Variants in MYOCD observed in about 807,000 individuals in gnomAD.
The protein encoded by MYOCD is myocardin.
A neutral mutation model predicts 96.1 loss-of-function variants in MYOCD; 32 were observed. The observed-to-expected ratio is 0.33, with a 90% confidence interval of 0.25 to 0.45. The LOEUF is 0.45. Ranked by LOEUF, MYOCD falls within the 20% of genes least tolerant of loss-of-function variation. The pLI, the probability that MYOCD is intolerant of heterozygous loss-of-function variation, is 1.00. For synonymous variants in MYOCD, 469 were observed against 469.0 expected, an observed-to-expected ratio of 1.00 and a Z score of 0.00; for missense variants, 1,133 against 1,200.6, an observed-to-expected ratio of 0.94 and a Z score of 0.83.
rs1377092831 is a variant in MYOCD at position 12,715,634 on chromosome 17, T to G, written c.177+60T>G. On this transcript the variant is annotated intron_variant, in intron 3 of 13. Transcript: ENST00000425538. ...CTATAGGTTATGAATCTCTGAATGC[T>G]AATCCTTGGTGGATGCGTGTAGAAT... is the stretch of plus-strand genomic sequence containing the variant. The G allele has an allele frequency of 8.2e-6, 11 of 1,335,162 alleles. No individual in the cohort carries two copies. The East Asian group carries it at 2.5e-4, about 31-fold the overall frequency. The allele number at this position is 1,335,162 out of a possible 1,614,324, so 82.7% of individuals were successfully genotyped here.
chr17:12,682,050 G>A (rs142622761), intron 1 of MYOCD, among the ~76,000 whole-genome samples: 191 of 152,294 alleles, frequency 1.3e-3, no homozygotes, highest in African/African-American at 4.2e-3. Flanking sequence ...TTTGGGAAAT[G>A]TGGCCAGGAT....
intron 5 of MYOCD, among the ~76,000 whole-genome samples, chr17:12,728,483 G>T (rs967618049): frequency 6.6e-6 from 1 of 151,978 alleles, no homozygotes; most frequent in East Asian, 1.9e-4. Flanking sequence ...AGGTTTTTTT[G>T]TTGTTGTTTT....
At chr17:12,722,782 A>G (rs1187992828) in intron 4 of MYOCD, 65 bp from the exon 5 acceptor site, 3 of 1,422,202 alleles carry the variant, frequency 2.1e-6, no homozygotes, top group Non-Finnish European at 2.9e-6. Context: ...CAAGCCAAAA[A>G]ACAAAAAAGA....
chr17:12,760,744 G>A, intron 13 of MYOCD, 37 bp downstream of exon 13: 6 of 1,542,932 alleles, frequency 3.9e-6, no homozygotes, highest in Non-Finnish European at 5.4e-6. Context: ...AGGACATTCT[G>A]AGCCCACATG....
At chr17:12,721,566 T>C (rs574355252) in intron 4 of MYOCD, among the ~76,000 whole-genome samples, 2 of 152,038 alleles carry the variant, frequency 1.3e-5, no homozygotes, top group South Asian at 2.1e-4. Context: ...CAGCAAGACA[T>C]AGAGGACAGA....
At chr17:12,690,102 A>C (rs2030365978) in intron 1 of MYOCD, among the ~76,000 whole-genome samples, 1 of 152,204 alleles carries the variant, frequency 6.6e-6, no homozygotes, top group Non-Finnish European at 1.5e-5. Flanking sequence ...AACCAATGGA[A>C]ATTCACAACA....
chr17:12,685,496 C>T (rs2150647251), intron 1 of MYOCD, among the ~76,000 whole-genome samples: 1 of 151,924 alleles, frequency 6.6e-6, no homozygotes, highest in South Asian at 2.1e-4. Flanking sequence ...GTCCCAGCTA[C>T]TCGGGAGGCT....
At chr17:12,739,026 C>A (rs1050381519) in intron 6 of MYOCD, among the ~76,000 whole-genome samples, 177 bp from the exon 7 acceptor site, 2 of 152,112 alleles carry the variant, frequency 1.3e-5, no homozygotes, top group Non-Finnish European at 2.9e-5. Flanking sequence ...TATATACACA[C>A]ACACATATAT....
At chr17:12,696,266 C>T (rs1162458250) in intron 1 of MYOCD, among the ~76,000 whole-genome samples, 1 of 152,110 alleles carries the variant, frequency 6.6e-6, no homozygotes, top group Non-Finnish European at 1.5e-5. Flanking sequence ...GTGTGAGCCA[C>T]TGTGCCCGGC....
chr17:12,747,797 G>A (rs1163420039), intron 9 of MYOCD, among the ~76,000 whole-genome samples: 1 of 151,798 alleles, frequency 6.6e-6, no homozygotes, highest in Non-Finnish European at 1.5e-5. Flanking sequence ...TGAGAGAAAA[G>A]TCTTTGATTT....
chr17:12,739,334 G>T lies in MYOCD; in HGVS notation c.717+6G>T. The T allele has an allele frequency of 6.4e-7, 1 of 1,558,394 alleles. No individual in the cohort carries two copies. Among genetic ancestry groups the T allele is most frequent in the Admixed American group, 2.0e-5 (1 of 49,056 alleles). ...CCGTGCATGCTGCTGTAAAGGTACG[G>T]ACACATCAGCCTCCAAGCCCTGCCT... is the stretch of plus-strand genomic sequence containing the variant. On this transcript the variant is annotated splice_donor_region_variant and intron_variant, in intron 7 of 13. Transcript: ENST00000425538.
intron 5 of MYOCD, among the ~76,000 whole-genome samples, chr17:12,732,618 T>G (rs1056956613): frequency 1.3e-5 from 2 of 152,232 alleles, no homozygotes; most frequent in Admixed American, 6.5e-5. Flanking sequence ...CACCTCAGCT[T>G]GTCTCTGCTC....
intron 2 of MYOCD, among the ~76,000 whole-genome samples, chr17:12,708,272 T>C (rs1053784259): frequency 6.6e-6 from 1 of 152,246 alleles, no homozygotes; most frequent in Non-Finnish European, 1.5e-5. Flanking sequence ...GATAAAATTA[T>C]TCATAAAATC....
chr17:12,714,834 C>G (rs1178049114), intron 2 of MYOCD, among the ~76,000 whole-genome samples: 1 of 152,112 alleles, frequency 6.6e-6, no homozygotes, highest in Non-Finnish European at 1.5e-5. Context: ...CATATCACAT[C>G]TTGAAAGAGG....
chr17:12,675,808 G>A (rs1315838601), intron 1 of MYOCD, among the ~76,000 whole-genome samples: 1 of 152,156 alleles, frequency 6.6e-6, no homozygotes, highest in Non-Finnish European at 1.5e-5. Context: ...GCAGTGAGAC[G>A]AGATCACGCC....
At position 12,767,812 on chromosome 17, in the gene MYOCD, C is replaced by T. The variant is rs377051768; in HGVS notation, c.*4168C>T. On this transcript the variant is annotated 3_prime_UTR_variant, in exon 14 of 14. Transcript: ENST00000425538. Reference sequence around the variant, plus strand: ...GAAGATTTGTGTTGATTGCCAGATACAGAAGCCCCTTGAAAATAAGGAAAG... The same window carrying T: ...GAAGATTTGTGTTGATTGCCAGATATAGAAGCCCCTTGAAAATAAGGAAAG... 6.6e-6 allele frequency: 1 copy of T among 152,248 alleles called. No individual in the cohort carries two copies. The highest frequency in any genetic ancestry group is 2.4e-5 in the African/African-American group (1 of 41,552). 9.4% of individuals were successfully genotyped at this position (152,248 alleles called of 1,614,324 possible).
At chr17:12,705,511 C>G (rs1450158933) in intron 2 of MYOCD, 1 of 210,702 alleles carries the variant, frequency 4.7e-6, no homozygotes, top group South Asian at 1.8e-4. Context: ...ATATTCTTTC[C>G]AGAAGCATCA....
At chr17:12,757,724 C>T (rs567103308) in intron 11 of MYOCD, among the ~76,000 whole-genome samples, 2 of 152,186 alleles carry the variant, frequency 1.3e-5, no homozygotes, top group African/African-American at 4.8e-5. Context: ...GAACTCCTGA[C>T]CTCAGGTGAT....
chr17:12,734,700 G>A (rs755096947), intron 5 of MYOCD, among the ~76,000 whole-genome samples: 2 of 151,620 alleles, frequency 1.3e-5, no homozygotes, highest in African/African-American at 2.4e-5. Context: ...TAGTAGAGAC[G>A]GGGTTTCACC....
Sources: allele counts gnomAD v4.1 joint callset (sites outside exome capture counted in the v4.1 genomes callset), GRCh38; gene constraint gnomAD v4.1.1; transcripts MANE v1.5; gene names NCBI Gene and HGNC (gene_info 2026-07-23, HGNC 2026-07-21).